Variants in SFTPD observed in about 807,000 individuals in gnomAD.
SFTPD encodes surfactant protein D.
SFTPD carries 18 observed loss-of-function variants against 34.6 expected under a neutral mutation model. The observed-to-expected ratio is 0.52, with a 90% CI of 0.36 to 0.77. The LOEUF (loss-of-function observed/expected upper bound fraction) is 0.77, where lower values mean the gene tolerates loss of function less well. Ranked by LOEUF, SFTPD falls within the 30% of genes least tolerant of loss-of-function variation. SFTPD has a pLI of 0.00. For missense variants in SFTPD, 433 were observed against 468.9 expected, an observed-to-expected ratio of 0.92 and a Z score of 0.71; for synonymous variants, 155 against 180.9, an observed-to-expected ratio of 0.86 and a Z score of 1.15.
intron 1 of SFTPD, among the ~76,000 whole-genome samples, chr10:79,981,291 AG>A (rs1842888363): frequency 6.6e-6 from 1 of 152,176 alleles, no homozygotes; most frequent in African/African-American, 2.4e-5. Flanking sequence ...GGGAGTCAAA[AG>A]AAAAAAGAAA....
intron 1 of SFTPD, among the ~76,000 whole-genome samples, chr10:79,947,263 C>T (rs1338893104): frequency 6.6e-6 from 1 of 152,220 alleles, no homozygotes; most frequent in African/African-American, 2.4e-5. Context: ...TTTGCCATTC[C>T]TCGAGCAGGT....
chr10:79,949,321 C>G (rs1006019904), upstream of SFTPD, among the ~76,000 whole-genome samples: 23 of 152,258 alleles, frequency 1.5e-4, no homozygotes, highest in Non-Finnish European at 8.8e-5. Flanking sequence ...TTGAACTCAT[C>G]TGCACCTTTC....
At chr10:79,957,197 G>A (rs1169426609) in intron 1 of SFTPD, among the ~76,000 whole-genome samples, 1 of 152,066 alleles carries the variant, frequency 6.6e-6, no homozygotes, top group Non-Finnish European at 1.5e-5. Flanking sequence ...CACAAAGATG[G>A]GGAAAAAACA....
chr10:79,951,002 T>C (rs553014269), upstream of SFTPD: 1 of 152,140 alleles, frequency 6.6e-6, no homozygotes, highest in Non-Finnish European at 1.5e-5. Context: ...TATTTTATAG[T>C]TCCTTCAATA....
At chr10:79,939,603 TGCA>T (rs1842592066) in intron 7 of SFTPD, among the ~76,000 whole-genome samples, 3 of 152,192 alleles carry the variant, frequency 2.0e-5, no homozygotes, top group Non-Finnish European at 4.4e-5. Flanking sequence ...TGCACACACA[TGCA>T]GTGGGTGCAT....
At chr10:79,964,017 A>G (rs565703844) in intron 1 of SFTPD, among the ~76,000 whole-genome samples, 5 of 152,260 alleles carry the variant, frequency 3.3e-5, no homozygotes, top group Admixed American at 3.3e-4. Flanking sequence ...CACCAGGCCT[A>G]ATCACCATTC....
Position 79,958,876 on chromosome 10 carries a change from T to C in SFTPD, c.37-12214A>G, listed in dbSNP as rs1160510418. ...GCACCACACCACACCTATTCCAAAA[T>C]TGACCACATAGTTGGAAGTAAAGCT... On this transcript the variant is annotated intron_variant, in intron 1 of 5. Transcript: ENST00000444384. Among the ~76,000 whole-genome samples, 24 of 151,996 alleles carry C rather than the reference T, an allele frequency of 1.6e-4. No individual in the cohort carries two copies. In the South Asian group the frequency reaches 4.4e-3, roughly 28 times the overall value.
At chr10:79,977,560 T>C (rs914228340) in intron 1 of SFTPD, among the ~76,000 whole-genome samples, 2 of 152,246 alleles carry the variant, frequency 1.3e-5, no homozygotes, top group African/African-American at 4.8e-5. Context: ...GTAATCAGTC[T>C]CATTTACAAA....
chr10:79,959,745 A>G (rs1225338000), intron 1 of SFTPD, among the ~76,000 whole-genome samples: 1 of 152,234 alleles, frequency 6.6e-6, no homozygotes, highest in Non-Finnish European at 1.5e-5. Flanking sequence ...ATTCCTTCTG[A>G]AACTATTCCA....
At chr10:79,971,535 CT>C (rs1842834997) in intron 1 of SFTPD, 1 of 151,886 alleles carries the variant, frequency 6.6e-6, no homozygotes, top group East Asian at 1.9e-4. Context: ...AATCTTGTAG[CT>C]CGTAATTGGT....
At chr10:79,952,113 C>G (rs1039152994), upstream of SFTPD, among the ~76,000 whole-genome samples, 1 of 152,206 alleles carries the variant, frequency 6.6e-6, no homozygotes, top group Non-Finnish European at 1.5e-5. Context: ...GTGGCTACCA[C>G]CAAAATGGCC....
upstream of SFTPD, chr10:79,950,419 T>G (rs1257391241): frequency 1.3e-5 from 2 of 152,184 alleles, no homozygotes; most frequent in African/African-American, 4.8e-5. Flanking sequence ...GGGAAAAACT[T>G]TATTTCTCCT....
chr10:79,967,868 C>A (rs151015261), intron 1 of SFTPD, among the ~76,000 whole-genome samples: 3,885 of 151,598 alleles, frequency 0.026, 76 homozygotes, highest in Admixed American at 0.043. Flanking sequence ...CACCTTGTGA[C>A]CCCCGCCCCT....
At chr10:79,946,766 T>C in intron 1 of SFTPD, 104 bp from the exon 2 acceptor site, 1 of 1,013,490 alleles carries the variant, frequency 9.9e-7, no homozygotes, top group Non-Finnish European at 1.5e-6. Context: ...CATTCCCTCC[T>C]TCTGTCCTCT....
intron 7 of SFTPD, 51 bp from the exon 8 acceptor site, chr10:79,938,279 C>T: frequency 6.5e-7 from 1 of 1,530,224 alleles, no homozygotes. Flanking sequence ...CTGGCCAAAG[C>T]TCAGGGGCTG....
At chr10:79,943,964 T>C (rs1842641206) in intron 2 of SFTPD, among the ~76,000 whole-genome samples, 1 of 152,226 alleles carries the variant, frequency 6.6e-6, no homozygotes, top group South Asian at 2.1e-4. Flanking sequence ...AGCCCACTTG[T>C]TCTTGGTACA....
upstream of SFTPD, among the ~76,000 whole-genome samples, chr10:79,952,926 G>A (rs1842718992): frequency 6.6e-6 from 1 of 152,202 alleles, no homozygotes; most frequent in Non-Finnish European, 1.5e-5. Flanking sequence ...GCAGTCCATA[G>A]TCTGCCACAG....
upstream of SFTPD, chr10:79,950,167 C>T (rs189693049): frequency 6.6e-6 from 1 of 152,236 alleles, no homozygotes; most frequent in African/African-American, 2.4e-5. Context: ...TTAAGTGGAA[C>T]ATTTACTCCA....
At chr10:79,974,706 T>C (rs1842855078) in intron 1 of SFTPD, among the ~76,000 whole-genome samples, 1 of 152,254 alleles carries the variant, frequency 6.6e-6, no homozygotes, top group Non-Finnish European at 1.5e-5. Flanking sequence ...CACACCCTTC[T>C]ATTCTTGTTT....
Sources: allele counts gnomAD v4.1 joint callset (sites outside exome capture counted in the v4.1 genomes callset), GRCh38; gene constraint gnomAD v4.1.1; transcripts MANE v1.5; gene names NCBI Gene and HGNC (gene_info 2026-07-23, HGNC 2026-07-21).